The following LYN variants were observed in gnomAD, a reference collection of about 807,000 sequenced individuals.
LYN encodes the protein tyrosine-protein kinase Lyn.
Under a neutral mutation model 65.0 loss-of-function variants are expected in LYN, and 12 were observed. The observed-to-expected ratio is 0.18, with a 90% CI of 0.12 to 0.30. LYN has a LOEUF of 0.30. Ranked by LOEUF, LYN falls within the 10% of genes least tolerant of loss-of-function variation. LYN has a pLI of 1.00. For synonymous variants in LYN, 222 were observed against 221.2 expected, an observed-to-expected ratio of 1.00 and a Z score of -0.03; for missense variants, 380 against 623.2, an observed-to-expected ratio of 0.61 and a Z score of 4.16.
At chr8:55,941,506 A>G (rs1806612655) in intron 1 of LYN, among the ~76,000 whole-genome samples, 1 of 152,194 alleles carries the variant, frequency 6.6e-6, no homozygotes, top group Non-Finnish European at 1.5e-5. Context: ...TCCTTTAGGA[A>G]GCTTTCCCTG....
intron 12 of LYN, among the ~76,000 whole-genome samples, chr8:56,004,512 T>A (rs1220980752): frequency 6.6e-6 from 1 of 152,006 alleles, no homozygotes; most frequent in Non-Finnish European, 1.5e-5. Context: ...CAGGCTGGTC[T>A]TGAACTCCTG....
At chr8:55,950,077 A>G (rs7812431) in intron 4 of LYN, among the ~76,000 whole-genome samples, 12,895 of 152,212 alleles carry the variant, frequency 0.085, 1,156 homozygotes, top group African/African-American at 0.23. Flanking sequence ...TTCAAAGTTC[A>G]TCCCTGTTGT....
chr8:56,005,471 A>G (rs979779234), intron 12 of LYN, among the ~76,000 whole-genome samples: 1 of 152,064 alleles, frequency 6.6e-6, no homozygotes, highest in Non-Finnish European at 1.5e-5. Context: ...TCCCTCCCTC[A>G]TGGTATATGC....
rs553117063 is a variant in LYN, at chr8:55,949,037, C to T, written c.284+1314C>T. Among the ~76,000 whole-genome samples, 507 of 152,306 alleles carry T rather than the reference C, an allele frequency of 3.3e-3. 2 individuals carry two copies. Among genetic ancestry groups the T allele is most frequent in the Non-Finnish European group, 6.0e-3 (409 of 68,012 alleles). Reference sequence around the variant, plus strand: ...CCCCCATTACCAGCTTACCTGCTTGCTTCTTCCAGTGCTCATCCCTGCCTC... The same window carrying T: ...CCCCCATTACCAGCTTACCTGCTTGTTTCTTCCAGTGCTCATCCCTGCCTC... On this transcript the variant is annotated intron_variant, in intron 4 of 12. Coordinates refer to ENST00000519728, the MANE Select transcript of LYN (RefSeq NM_002350.4).
chr8:55,906,407 C>T (rs1018176560), intron 1 of LYN, among the ~76,000 whole-genome samples: 2 of 151,918 alleles, frequency 1.3e-5, no homozygotes, highest in African/African-American at 2.4e-5. Context: ...AGTGAAATCA[C>T]ACCCAGCAAT....
intron 8 of LYN, 51 bp from the exon 9 acceptor site, chr8:55,966,664 G>A (rs750953537): frequency 8.4e-6 from 13 of 1,553,130 alleles, no homozygotes; most frequent in Admixed American, 1.8e-5. Context: ...CACCTCCCCC[G>A]GCTAGATTTT....
At chr8:55,897,515 A>G (rs1481505958) in intron 1 of LYN, among the ~76,000 whole-genome samples, 1 of 152,052 alleles carries the variant, frequency 6.6e-6, no homozygotes, top group East Asian at 1.9e-4. Flanking sequence ...TTCTACCTCA[A>G]TTTCTCCTCC....
chr8:55,966,976 C>A, intron 9 of LYN, 79 bp downstream of exon 9: 1 of 1,334,238 alleles, frequency 7.5e-7, no homozygotes, highest in Non-Finnish European at 1.0e-6. Flanking sequence ...AGAGGTCACT[C>A]AACTAGTTTA....
At chr8:56,002,542 C>T (rs1285762456) in intron 12 of LYN, among the ~76,000 whole-genome samples, 6 of 151,432 alleles carry the variant, frequency 4.0e-5, no homozygotes, top group Non-Finnish European at 5.9e-5. Flanking sequence ...GTAGAGGTTG[C>T]AGTGAGCCAA....
intron 1 of LYN, among the ~76,000 whole-genome samples, chr8:55,920,474 C>G (rs556747954): frequency 5.3e-5 from 8 of 152,284 alleles, no homozygotes; most frequent in Non-Finnish European, 1.2e-4. Flanking sequence ...TTTACTTGCT[C>G]TGAGAGAGCA....
At chr8:55,935,735 C>G (rs555786069) in intron 1 of LYN, among the ~76,000 whole-genome samples, 1 of 148,696 alleles carries the variant, frequency 6.7e-6, no homozygotes, top group Admixed American at 6.8e-5. Flanking sequence ...GAGCCGAGAT[C>G]GCACCACTGC....
At position 56,010,110 on chromosome 8, in the gene LYN, G is replaced by C; in HGVS notation, c.1539G>C (p.Ter513TyrextTer20). Residue 513 changes from the stop codon to tyrosine (Y), a stop_lost, in exon 13 of 13, where the codon TAG (stop) becomes TAC (tyrosine). Coordinates refer to ENST00000519728, the MANE Select transcript of LYN (RefSeq NM_002350.4). ...AAGGGCAATACCAGCAGCAGCCTTA[G>C]AGCACAGGGAGACCCGTCCATTTGG... ...ATEGQYQQQP[*>Y] 1 of 1,614,104 alleles carries C rather than the reference G, an allele frequency of 6.2e-7. No individual in the cohort carries two copies.
intron 1 of LYN, among the ~76,000 whole-genome samples, chr8:55,891,561 T>A (rs1330237147): frequency 6.6e-6 from 1 of 152,138 alleles, no homozygotes; most frequent in Non-Finnish European, 1.5e-5. Context: ...AAGTTACTGC[T>A]TAATGGGTAC....
At chr8:55,933,215 C>T (rs1439691908) in intron 1 of LYN, among the ~76,000 whole-genome samples, 1 of 152,188 alleles carries the variant, frequency 6.6e-6, no homozygotes, top group South Asian at 2.1e-4. Context: ...AAAACTATCC[C>T]ATCTAATATG....
At chr8:55,932,520 C>T (rs1430667182) in intron 1 of LYN, among the ~76,000 whole-genome samples, 1 of 152,130 alleles carries the variant, frequency 6.6e-6, no homozygotes, top group East Asian at 1.9e-4. Flanking sequence ...CTCTCAAGTT[C>T]AAGCAATTCT....
intron 8 of LYN, 112 bp from the exon 9 acceptor site, chr8:55,966,603 G>A: frequency 1.2e-6 from 1 of 813,044 alleles, no homozygotes; most frequent in Non-Finnish European, 1.9e-6. Context: ...CCTGACATCA[G>A]GTGACCCACT....
rs186460106 is a variant in LYN, at chr8:55,960,359, G to A, written c.791-6356G>A. Among the ~76,000 whole-genome samples, 118 of 151,946 alleles carry A rather than the reference G, an allele frequency of 7.8e-4. 1 individual carries two copies. The East Asian group carries it at 0.019, about 24-fold the overall frequency. On this transcript the variant is annotated intron_variant, in intron 8 of 12. Coordinates refer to ENST00000519728, the MANE Select transcript of LYN (RefSeq NM_002350.4). ...TTCTTCCAGTCTTATATTGAATGGA[G>A]GAAGGAAGGAAAAGAAGGGAAGGGG...
intron 1 of LYN, among the ~76,000 whole-genome samples, chr8:55,933,871 G>A (rs1473098910): frequency 6.9e-6 from 1 of 144,126 alleles, no homozygotes; most frequent in Non-Finnish European, 1.5e-5. Flanking sequence ...CCTTCACATT[G>A]TGGATAACTA....
chr8:55,942,285 A>G (rs377099047), intron 2 of LYN, among the ~76,000 whole-genome samples: 2 of 149,658 alleles, frequency 1.3e-5, no homozygotes, highest in South Asian at 4.2e-4. Flanking sequence ...ATACACACAC[A>G]TATATATGTG....
Sources: allele counts gnomAD v4.1 joint callset (sites outside exome capture counted in the v4.1 genomes callset), GRCh38; gene constraint gnomAD v4.1.1; transcripts MANE v1.5; gene names NCBI Gene and HGNC (gene_info 2026-07-23, HGNC 2026-07-21).